Variants in CACNA2D3 observed in about 807,000 individuals in gnomAD.
CACNA2D3 encodes the protein calcium voltage-gated channel auxiliary subunit alpha2delta 3, also known as voltage-dependent calcium channel subunit alpha-2/delta-3.
In CACNA2D3, 60 loss-of-function variants were observed where a neutral mutation model predicts 160.6. The observed-to-expected ratio is 0.37, with a 90% CI of 0.30 to 0.46. CACNA2D3 has a LOEUF of 0.46. CACNA2D3 is among the 20% of genes least tolerant of loss of function. The probability of loss-of-function intolerance (pLI) is 1.00; values close to 1 mark genes in which losing one functional copy is unlikely to be tolerated. For missense variants in CACNA2D3, 1,205 were observed against 1,365.0 expected, an observed-to-expected ratio of 0.88 and a Z score of 1.85; for synonymous variants, 558 against 492.9, an observed-to-expected ratio of 1.13 and a Z score of -1.75.
chr3:54,662,052 A>G (rs554738721), intron 11 of CACNA2D3, among the ~76,000 whole-genome samples: 1 of 152,092 alleles, frequency 6.6e-6, no homozygotes, highest in Non-Finnish European at 1.5e-5. Context: ...TATTAACTCT[A>G]TGCATCATAA....
intron 13 of CACNA2D3, among the ~76,000 whole-genome samples, chr3:54,812,746 T>G (rs927645200): frequency 2.6e-5 from 4 of 152,192 alleles, no homozygotes; most frequent in Admixed American, 2.0e-4. Flanking sequence ...GGAGCAGACG[T>G]GGGTCCACAC....
intron 9 of CACNA2D3, among the ~76,000 whole-genome samples, chr3:54,593,234 A>G (rs1334847828): frequency 1.3e-5 from 2 of 152,232 alleles, no homozygotes; most frequent in African/African-American, 4.8e-5. Context: ...GTATAATTTA[A>G]CGTAATTTGG....
chr3:54,582,871 C>G (rs1702700702), intron 9 of CACNA2D3, among the ~76,000 whole-genome samples: 1 of 152,118 alleles, frequency 6.6e-6, no homozygotes, highest in African/African-American at 2.4e-5. Context: ...AAATTCATTC[C>G]AGTTGGAACA....
At chr3:54,980,161 C>A (rs1022487885) in intron 29 of CACNA2D3, among the ~76,000 whole-genome samples, 1 of 152,054 alleles carries the variant, frequency 6.6e-6, no homozygotes, top group African/African-American at 2.4e-5. Flanking sequence ...ATGTTAAATC[C>A]AATTCTTAAT....
intron 3 of CACNA2D3, among the ~76,000 whole-genome samples, chr3:54,373,240 T>G (rs1265102020): frequency 1.3e-5 from 2 of 152,222 alleles, no homozygotes; most frequent in African/African-American, 4.8e-5. Flanking sequence ...AATAGTCTTA[T>G]TTTTCATTAT....
intron 9 of CACNA2D3, among the ~76,000 whole-genome samples, chr3:54,604,524 GTCC>G (rs1327013097): frequency 6.6e-6 from 1 of 152,124 alleles, no homozygotes; most frequent in African/African-American, 2.4e-5. Context: ...GCAAACAGCA[GTCC>G]TCCTTTCCAA....
At chr3:54,821,537 T>C (rs779543998) in intron 14 of CACNA2D3, among the ~76,000 whole-genome samples, 3 of 152,192 alleles carry the variant, frequency 2.0e-5, no homozygotes, top group Non-Finnish European at 2.9e-5. Flanking sequence ...TTTCTCCCCC[T>C]GAGTGCAAAC....
intron 3 of CACNA2D3, among the ~76,000 whole-genome samples, chr3:54,378,887 G>T (rs1194877089): frequency 6.6e-6 from 1 of 152,168 alleles, no homozygotes; most frequent in Non-Finnish European, 1.5e-5. Context: ...TGTAGAATGC[G>T]ATGGCTTTGG....
At chr3:54,154,681 T>C (rs1700212303) in intron 2 of CACNA2D3, among the ~76,000 whole-genome samples, 1 of 152,164 alleles carries the variant, frequency 6.6e-6, no homozygotes, top group African/African-American at 2.4e-5. Context: ...CAGTCTGCCT[T>C]TGTAGAGTCT....
chr3:55,035,244 A>G lies in CACNA2D3; in HGVS notation c.2987+16927A>G, dbSNP rs142060235. Among the ~76,000 whole-genome samples, 672 of 152,226 alleles carry G rather than the reference A, an allele frequency of 4.4e-3. 5 individuals are homozygous for G. Among genetic ancestry groups the G allele is most frequent in the African/African-American group, 0.014 (599 of 41,556 alleles). On this transcript the variant is annotated intron_variant, in intron 35 of 37. Transcript: ENST00000474759. Reference sequence around the variant, plus strand: ...TGCTTTTGTTAGTAATTATTTACAAACCTTCTGATACTACAAAAGAAACGG... The same window carrying G: ...TGCTTTTGTTAGTAATTATTTACAAGCCTTCTGATACTACAAAAGAAACGG...
At chr3:54,731,468 G>T (rs940732257) in intron 11 of CACNA2D3, among the ~76,000 whole-genome samples, 11 of 152,118 alleles carry the variant, frequency 7.2e-5, no homozygotes, top group African/African-American at 2.4e-4. Context: ...AGTGTCAAAA[G>T]GAAAACAAAA....
At chr3:54,646,194 GCTTC>G (rs1169806180) in intron 11 of CACNA2D3, among the ~76,000 whole-genome samples, 396 of 13,442 alleles carry the variant, frequency 0.029, 22 homozygotes, top group South Asian at 0.097. Flanking sequence ...CTCCTTCCTT[GCTTC>G]CTTCCTTCCT....
intron 4 of CACNA2D3, among the ~76,000 whole-genome samples, chr3:54,391,508 C>G (rs975878061): frequency 3.3e-5 from 5 of 150,082 alleles, no homozygotes; most frequent in Admixed American, 3.3e-4. Context: ...TTCTTTCTTT[C>G]TTTCTTTCTT....
intron 17 of CACNA2D3, among the ~76,000 whole-genome samples, chr3:54,869,845 A>G (rs1699486000): frequency 6.6e-6 from 1 of 152,192 alleles, no homozygotes; most frequent in Admixed American, 6.5e-5. Context: ...GCACACAGGA[A>G]CTTTCCTTAA....
At chr3:54,546,216 A>T (rs1702062307) in intron 5 of CACNA2D3, among the ~76,000 whole-genome samples, 1 of 152,218 alleles carries the variant, frequency 6.6e-6, no homozygotes. Flanking sequence ...CAGAAAAGAA[A>T]TAAAGACAGA....
Position 55,021,649 on chromosome 3 carries a change from ATATATATATGTGTGTG to A in CACNA2D3, c.2987+3342_2987+3357del, listed in dbSNP as rs1559465938. Reference sequence around the variant, plus strand: ...TGTATATATATATATATATATGTGTATATATATATGTGTGTGTATATATATATGTGTATATATATAT... The same window carrying A: ...TGTATATATATATATATATATGTGTATATATATATATGTGTATATATATAT... On this transcript the variant is annotated intron_variant, in intron 35 of 37. Coordinates refer to ENST00000474759, the MANE Select transcript of CACNA2D3 (RefSeq NM_018398.3). Among the ~76,000 whole-genome samples the A allele has an allele frequency of 1.6e-4, 11 of 70,102 alleles. 1 individual carries two copies. The highest frequency in any genetic ancestry group is 7.8e-3 in the Middle Eastern group (1 of 128). 46.0% of individuals were successfully genotyped at this position (70,102 alleles called of 152,430 possible).
At chr3:54,911,944 G>A (rs2106910623) in intron 27 of CACNA2D3, among the ~76,000 whole-genome samples, 1 of 152,294 alleles carries the variant, frequency 6.6e-6, no homozygotes, top group African/African-American at 2.4e-5. Context: ...CTGTGAGTCA[G>A]GACTCTGGGT....
intron 35 of CACNA2D3, among the ~76,000 whole-genome samples, chr3:55,063,478 A>G (rs989571): frequency 0.097 from 14,795 of 152,104 alleles, 1,364 homozygotes; most frequent in East Asian, 0.28. Context: ...AAAAAAATGC[A>G]AAATGAAACA....
At chr3:54,460,527 CTT>C (rs1329340679) in intron 4 of CACNA2D3, among the ~76,000 whole-genome samples, 1 of 152,178 alleles carries the variant, frequency 6.6e-6, no homozygotes, top group Non-Finnish European at 1.5e-5. Flanking sequence ...ATTTTATTCT[CTT>C]TGAAGCAATT....
Sources: allele counts gnomAD v4.1 joint callset (sites outside exome capture counted in the v4.1 genomes callset), GRCh38; gene constraint gnomAD v4.1.1; transcripts MANE v1.5; gene names NCBI Gene and HGNC (gene_info 2026-07-23, HGNC 2026-07-21).